PCDHA1: variants seen among roughly 807,000 people sequenced by gnomAD.
The protein encoded by PCDHA1 is protocadherin alpha-1.
In PCDHA1, 42 loss-of-function variants were observed where a neutral mutation model predicts 61.3. The ratio of observed to expected loss-of-function variants is 0.69; its 90% CI spans 0.54 to 0.89. PCDHA1 has a LOEUF of 0.89. Ranked by LOEUF, PCDHA1 falls within the 40% of genes least tolerant of loss-of-function variation. The pLI is 0.00. For missense variants in PCDHA1, 1,256 were observed against 1,235.3 expected (o/e 1.02, Z -0.25); for synonymous variants, 610 against 553.8 (o/e 1.10, Z -1.43).
At chr5:140,936,340 C>T (rs1346812812) in intron 1 of PCDHA1, among the ~76,000 whole-genome samples, 1 of 152,102 alleles carries the variant, frequency 6.6e-6, no homozygotes, top group Non-Finnish European at 1.5e-5. Flanking sequence ...TCTCTATCTG[C>T]ATATATGGAA....
intron 1 of PCDHA1, chr5:140,847,633 C>T (rs2150402485): frequency 0.65 from 96,440 of 148,450 alleles, 34,032 homozygotes; most frequent in African/African-American, 0.71. Context: ...ATATTGGAGA[C>T]TACAAAGAAG....
At chr5:140,834,868 T>C in intron 1 of PCDHA1, 1 of 1,609,592 alleles carries the variant, frequency 6.2e-7, no homozygotes, top group Non-Finnish European at 8.5e-7. Flanking sequence ...GATGCAGATA[T>C]CGGGGAGAAC....
intron 1 of PCDHA1, chr5:140,847,546 A>C (rs1179862564): frequency 6.7e-6 from 1 of 149,632 alleles, no homozygotes; most frequent in African/African-American, 2.4e-5. Context: ...GCATAGCTTT[A>C]AAAACAGAAA....
Position 140,922,562 on chromosome 5 carries a change from T to A in PCDHA1, c.2395-56387T>A, listed in dbSNP as rs2080887973. Among the ~76,000 whole-genome samples, 4 of 152,188 alleles carry A rather than the reference T, an allele frequency of 2.6e-5. No individual in the cohort carries two copies. In the South Asian group the frequency reaches 8.3e-4, roughly 31 times the overall value. ...GGCAAGGTAAGGAGAAAAGTCAGGA[T>A]GACAAGTTGCCCTGTAGCCGCCAGT... On this transcript the variant is annotated intron_variant, in intron 1 of 3. Transcript: ENST00000504120.
rs192388233 is a variant in PCDHA1 at position 140,869,206 on chromosome 5, G to C, written c.2394+80522G>C. 4,858 of 1,613,972 alleles carry C rather than the reference G, an allele frequency of 3.0e-3. 14 individuals carry two copies. The highest frequency in any genetic ancestry group is 3.0e-3 in the Non-Finnish European group (3,497 of 1,179,950). On this transcript the variant is annotated intron_variant, in intron 1 of 3. Transcript: ENST00000504120. ...GGGGAGCGGCCAGCTCCACTACTCC[G>C]TCTCGGAGGAGGCCAAACACGGCAC...
chr5:140,803,571 G>T (rs1763239715), intron 1 of PCDHA1: 1 of 1,614,096 alleles, frequency 6.2e-7, no homozygotes, highest in African/African-American at 1.3e-5. Context: ...ACAGGATGTG[G>T]ACGTTGATCT....
chr5:140,889,700 T>C (rs1554184005), intron 1 of PCDHA1, among the ~76,000 whole-genome samples: 1 of 152,200 alleles, frequency 6.6e-6, no homozygotes, highest in African/African-American at 2.4e-5. Context: ...TATGGGCATA[T>C]TCCACAAGTT....
At chr5:140,797,520 T>G in intron 1 of PCDHA1, 1 of 824,340 alleles carries the variant, frequency 1.2e-6, no homozygotes, top group South Asian at 1.8e-5. Context: ...ACTGAACAAT[T>G]TATTTAAACA....
intron 1 of PCDHA1, chr5:140,856,334 G>A: frequency 1.3e-6 from 2 of 1,598,614 alleles, no homozygotes; most frequent in Non-Finnish European, 1.7e-6. Context: ...GGAGCTGTGC[G>A]GGCGGAGCGT....
rs193007351 is a variant in PCDHA1 at position 140,836,957 on chromosome 5, G to A, written c.2394+48273G>A. The A allele has an allele frequency of 4.7e-4, 193 of 414,742 alleles. 3 individuals carry two copies. In the East Asian group the frequency reaches 5.2e-3, roughly 11 times the overall value. The allele number at this position is 414,742 out of a possible 1,614,324, so 25.7% of individuals were successfully genotyped here. On this transcript the variant is annotated intron_variant, in intron 1 of 3. Coordinates refer to ENST00000504120, the MANE Select transcript of PCDHA1 (RefSeq NM_018900.4). ...CTATAGATCAAAATCTATGGTTTATGTTGGCTACTCTCCATTTTTGGAGGA... is the reference window on the plus strand; with the variant it reads ...CTATAGATCAAAATCTATGGTTTATATTGGCTACTCTCCATTTTTGGAGGA...
chr5:140,870,325 C>T (rs1554164071), intron 1 of PCDHA1: 1 of 1,614,080 alleles, frequency 6.2e-7, no homozygotes, highest in African/African-American at 1.3e-5. Context: ...CTCGTTGGTG[C>T]TGGACAGCGC....
intron 1 of PCDHA1, chr5:140,929,202 G>T (rs2085922750): frequency 1.2e-6 from 2 of 1,613,984 alleles, no homozygotes; most frequent in African/African-American, 1.3e-5. Context: ...ACAGTTTGCT[G>T]TTGCGTGGGG....
chr5:140,945,715 A>G (rs145543790), intron 1 of PCDHA1, among the ~76,000 whole-genome samples: 3,564 of 152,270 alleles, frequency 0.023, 50 homozygotes, highest in Middle Eastern at 0.034. Context: ...AAAAGTATCA[A>G]GAATATACAA....
chr5:140,807,272 G>A, intron 1 of PCDHA1: 1 of 1,614,228 alleles, frequency 6.2e-7, no homozygotes, highest in Non-Finnish European at 8.5e-7. Flanking sequence ...GGCAGGGAAC[G>A]GTCAGCTCCA....
intron 1 of PCDHA1, chr5:140,966,695 C>G: frequency 7.4e-7 from 1 of 1,358,486 alleles, no homozygotes; most frequent in Non-Finnish European, 9.5e-7. Flanking sequence ...AGGCGGGGCC[C>G]GGGCGTGGGG....
chr5:140,882,111 C>A, intron 1 of PCDHA1: 1 of 1,379,348 alleles, frequency 7.2e-7, no homozygotes, highest in Non-Finnish European at 9.8e-7. Context: ...GCGAAGAAAG[C>A]CGCCGTTTCT....
chr5:140,803,107 T>G (rs950112713), intron 1 of PCDHA1: 7 of 1,613,724 alleles, frequency 4.3e-6, no homozygotes, highest in South Asian at 2.2e-5. Context: ...ACCCGTGCCC[T>G]GGACGAGGTG....
At chr5:140,806,869 C>A (rs1157742828) in intron 1 of PCDHA1, 1 of 379,890 alleles carries the variant, frequency 2.6e-6, no homozygotes, top group South Asian at 3.8e-5. Flanking sequence ...CAATGTGTAC[C>A]ACAGTAGTAC....
chr5:140,876,185 A>AC (rs782573528), intron 1 of PCDHA1: 1 of 1,613,986 alleles, frequency 6.2e-7, no homozygotes, highest in East Asian at 2.2e-5. Context: ...GTGAATGACA[A>AC]TGGTCCGGCG....
Sources: allele counts gnomAD v4.1 joint callset (sites outside exome capture counted in the v4.1 genomes callset), GRCh38; gene constraint gnomAD v4.1.1; transcripts MANE v1.5; gene names NCBI Gene and HGNC (gene_info 2026-07-23, HGNC 2026-07-21).